Variants in CYRIB observed in about 807,000 individuals in gnomAD.
CYRIB encodes the protein CYFIP-related Rac1 interactor B.
A neutral mutation model predicts 44.2 loss-of-function variants in CYRIB; 8 were observed. The observed-to-expected ratio is 0.18, with a 90% CI of 0.11 to 0.33. The LOEUF is 0.33. CYRIB is among the 10% of genes least tolerant of loss of function. The probability of loss-of-function intolerance (pLI) is 1.00; values close to 1 mark genes in which losing one functional copy is unlikely to be tolerated. For synonymous variants in CYRIB, 131 were observed against 127.2 expected, an observed-to-expected ratio of 1.03 and a Z score of -0.20; for missense variants, 185 against 382.8, an observed-to-expected ratio of 0.48 and a Z score of 4.31.
At chr8:129,958,696 AGCTCATTCAATTT>A (rs1315987334) in intron 2 of CYRIB, among the ~76,000 whole-genome samples, 1 of 151,360 alleles carries the variant, frequency 6.6e-6, no homozygotes, top group East Asian at 2.0e-4. Flanking sequence ...TTTTCTCTCG[AGCTCATTCAATTT>A]CTGTTATTTA....
chr8:129,913,080 TC>T, intron 1 of CYRIB, among the ~76,000 whole-genome samples: 1 of 151,340 alleles, frequency 6.6e-6, no homozygotes, highest in Non-Finnish European at 1.5e-5. Flanking sequence ...CACATCATTC[TC>T]CGGCCTCAGC....
At chr8:129,976,649 C>T (rs920440772) in intron 1 of CYRIB, among the ~76,000 whole-genome samples, 33 of 152,218 alleles carry the variant, frequency 2.2e-4, no homozygotes, top group Admixed American at 1.4e-3. Flanking sequence ...TAGTTATAAG[C>T]GGTTTTTCCT....
At chr8:129,963,591 C>A (rs1388365615) in intron 2 of CYRIB, among the ~76,000 whole-genome samples, 3 of 152,232 alleles carry the variant, frequency 2.0e-5, no homozygotes, top group East Asian at 3.8e-4. Context: ...TTCCCTCTCT[C>A]TATTCAGGCA....
In CYRIB at chr8:129,930,382, T is replaced by A. The variant is rs1554660192; in HGVS notation, c.-50+9226A>T. 9.9e-3 allele frequency among the ~76,000 whole-genome samples: 1,227 copies of A among 124,190 alleles called. 7 individuals are homozygous for A. The highest frequency in any genetic ancestry group is 0.015 in the Non-Finnish European group (844 of 56,538). 81.5% of individuals were successfully genotyped at this position (124,190 alleles called of 152,430 possible). A position where few individuals can be genotyped will look rare whatever the true frequency, so the allele number is the denominator to read the frequency against. On this transcript the variant is annotated intron_variant, in intron 1 of 11. Coordinates refer to ENST00000519824, the Ensembl canonical transcript of CYRIB. ...TGAAGTGCTTATATATATATATATT[T>A]TAATTATTTAAATCCATAGGCTACC...
intron 1 of CYRIB, among the ~76,000 whole-genome samples, chr8:129,977,575 A>G (rs1334743650): frequency 3.3e-5 from 5 of 151,442 alleles, no homozygotes; most frequent in Non-Finnish European, 5.9e-5. Flanking sequence ...TCTGTCACCC[A>G]GGCTGGAGTG....
At chr8:130,006,120 T>C (rs1482746443) in intron 1 of CYRIB, among the ~76,000 whole-genome samples, 3 of 151,960 alleles carry the variant, frequency 2.0e-5, no homozygotes, top group African/African-American at 7.3e-5. Flanking sequence ...CTGGCCAACA[T>C]GGTAAAATAC....
At chr8:129,972,282 C>T (rs2095728357) in intron 1 of CYRIB, among the ~76,000 whole-genome samples, 1 of 152,176 alleles carries the variant, frequency 6.6e-6, no homozygotes, top group South Asian at 2.1e-4. Context: ...CACCGAACTG[C>T]TCAGTGGCCA....
chr8:129,918,404 G>A (rs2081862775), intron 1 of CYRIB, among the ~76,000 whole-genome samples: 1 of 151,954 alleles, frequency 6.6e-6, no homozygotes, highest in Non-Finnish European at 1.5e-5. Context: ...TCTAAGGGTT[G>A]AAAAAAGAAA....
chr8:129,855,757 A>C lies in CYRIB; in HGVS notation c.302-10T>G. The C allele has an allele frequency of 1.3e-6, 2 of 1,588,924 alleles. No individual in the cohort carries two copies. The highest frequency in any genetic ancestry group is 1.7e-6 in the Non-Finnish European group (2 of 1,168,930). On this transcript the variant is annotated splice_polypyrimidine_tract_variant and intron_variant, in intron 5 of 11. Transcript: ENST00000519824. ...CCTCTTAATGCTGCTTCTAAAGAAA[A>C]AAATTGAAAAAAACATTAAGTTGTT...
At chr8:129,874,410 TA>T (rs1481104082) in intron 3 of CYRIB, among the ~76,000 whole-genome samples, 4 of 152,090 alleles carry the variant, frequency 2.6e-5, no homozygotes, top group African/African-American at 9.6e-5. Flanking sequence ...CGTTGTAATA[TA>T]AAAAGAAGCA....
At chr8:129,896,536 A>G (rs563308583) in intron 2 of CYRIB, 1 of 152,300 alleles carries the variant, frequency 6.6e-6, no homozygotes, top group African/African-American at 2.4e-5. Context: ...TCGCAATGAG[A>G]GTTCAAATCC....
At chr8:129,897,515 G>A (rs1454862358) in intron 2 of CYRIB, among the ~76,000 whole-genome samples, 1 of 151,106 alleles carries the variant, frequency 6.6e-6, no homozygotes, top group East Asian at 1.9e-4. Flanking sequence ...ACAGTCAAAT[G>A]AGGTCAAAAT....
At chr8:129,999,204 G>C (rs780598935) in intron 1 of CYRIB, among the ~76,000 whole-genome samples, 21 of 152,204 alleles carry the variant, frequency 1.4e-4, no homozygotes, top group Non-Finnish European at 2.8e-4. Flanking sequence ...CAAGTAGGCA[G>C]CCACACTCCT....
intron 1 of CYRIB, among the ~76,000 whole-genome samples, chr8:130,003,850 C>G (rs1440500558): frequency 6.6e-6 from 1 of 152,156 alleles, no homozygotes; most frequent in Non-Finnish European, 1.5e-5. Flanking sequence ...GGCAGGGCCT[C>G]AAGGACTATG....
chr8:129,923,698 T>C (rs1451572310), intron 1 of CYRIB, among the ~76,000 whole-genome samples: 2 of 152,070 alleles, frequency 1.3e-5, no homozygotes, highest in Non-Finnish European at 2.9e-5. Flanking sequence ...TACTAAAGAT[T>C]AAACATTTCT....
At chr8:129,981,530 G>A (rs1278623123) in intron 1 of CYRIB, among the ~76,000 whole-genome samples, 1 of 152,172 alleles carries the variant, frequency 6.6e-6, no homozygotes, top group Non-Finnish European at 1.5e-5. Flanking sequence ...TGTTTCTGAA[G>A]CAATGGAGAA....
At chr8:129,992,716 A>G (rs1406993197) in intron 1 of CYRIB, among the ~76,000 whole-genome samples, 1 of 152,190 alleles carries the variant, frequency 6.6e-6, no homozygotes, top group African/African-American at 2.4e-5. Flanking sequence ...TTTCTTTGTC[A>G]TGTATGTGTT....
chr8:129,980,227 C>CAAAAAAA (rs58630436), intron 1 of CYRIB, among the ~76,000 whole-genome samples: 1 of 91,768 alleles, frequency 1.1e-5, no homozygotes. Context: ...GACTCCATCT[C>CAAAAAAA]AAAAAAAAAA....
Position 129,974,943 on chromosome 8 carries a change from G to A in CYRIB, c.-295-3948C>T, listed in dbSNP as rs1253447777. Among the ~76,000 whole-genome samples, 7 of 151,096 alleles carry A rather than the reference G, an allele frequency of 4.6e-5. No individual in the cohort carries two copies. The East Asian group carries it at 7.8e-4, about 17-fold the overall frequency. ...TCTGTCACCCAGGCTGCAGTGGTGC[G>A]ATCTTGGCTCACTGCAACCTCTGCC... is the stretch of plus-strand genomic sequence containing the variant. On this transcript the variant is annotated intron_variant, in intron 1 of 14. Transcript: ENST00000401979.
Sources: gnomAD v4.1 joint callset for allele counts (sites outside exome capture counted in the v4.1 genomes callset) on GRCh38, gnomAD v4.1.1 for gene constraint, MANE v1.5 for transcripts, NCBI Gene and HGNC (gene_info 2026-07-23, HGNC 2026-07-21) for gene names.